Variants in GPHN observed in about 807,000 individuals in gnomAD.
GPHN encodes gephyrin.
In GPHN, 17 loss-of-function variants were observed where a neutral mutation model predicts 95.5. The ratio of observed to expected loss-of-function variants is 0.18; its 90% CI spans 0.12 to 0.27. The LOEUF (loss-of-function observed/expected upper bound fraction) is 0.27. Among genes scored for constraint, GPHN ranks in the 10% least tolerant of loss-of-function variants. GPHN has a pLI of 1.00. For synonymous variants in GPHN, 320 were observed against 322.5 expected (o/e 0.99, Z 0.08); for missense variants, 660 against 978.1 (o/e 0.67, Z 4.34).
the GPHN span, among the ~76,000 whole-genome samples, chr14:67,212,492 G>T: frequency 6.6e-6 from 1 of 150,996 alleles, no homozygotes; most frequent in African/African-American, 2.4e-5. Context: ...TAGGGAGGCT[G>T]AAGTGGAAGG....
chr14:67,278,964 C>T, the GPHN span: 6 of 442,168 alleles, frequency 1.4e-5, no homozygotes, highest in Non-Finnish European at 2.3e-5. Flanking sequence ...TCTGTAAAAA[C>T]CTGCTTTTAT....
At chr14:67,537,248 GCAGGAGAATT>G in the GPHN span, among the ~76,000 whole-genome samples, 1 of 146,314 alleles carries the variant, frequency 6.8e-6, no homozygotes, top group Admixed American at 6.9e-5. Flanking sequence ...GGAGGCTGAG[GCAGGAGAATT>G]ATTTGAACCC....
chr14:66,777,529 A>T (rs1310343559), intron 3 of GPHN, among the ~76,000 whole-genome samples: 4 of 152,150 alleles, frequency 2.6e-5, no homozygotes, highest in Non-Finnish European at 5.9e-5. Flanking sequence ...AAAAAAGAGA[A>T]TTTTAGACCA....
At chr14:67,286,929 C>T in the GPHN span, among the ~76,000 whole-genome samples, 12 of 146,274 alleles carry the variant, frequency 8.2e-5, no homozygotes, top group African/African-American at 3.0e-4. Context: ...AAAAATGTAC[C>T]CTTTATGGCT....
At chr14:67,084,390 C>A (rs72715348) in intron 11 of GPHN, among the ~76,000 whole-genome samples, 1 of 152,164 alleles carries the variant, frequency 6.6e-6, no homozygotes, top group African/African-American at 2.4e-5. Context: ...AAACGCCCCC[C>A]TCTCCTACCT....
intron 2 of GPHN, among the ~76,000 whole-genome samples, chr14:66,729,119 G>C (rs1412547890): frequency 6.6e-6 from 1 of 152,118 alleles, no homozygotes; most frequent in African/African-American, 2.4e-5. Flanking sequence ...TATAAAACAT[G>C]GCTTGCTCCT....
the GPHN span, chr14:67,579,748 G>A: frequency 6.2e-7 from 1 of 1,612,894 alleles, no homozygotes; most frequent in Non-Finnish European, 8.5e-7. Context: ...CTCTTCCACG[G>A]TTGATGAGTT....
At chr14:67,208,914 AG>A in the GPHN span, among the ~76,000 whole-genome samples, 3 of 151,714 alleles carry the variant, frequency 2.0e-5, no homozygotes, top group East Asian at 1.9e-4. Context: ...AAAAAAGAAA[AG>A]AAAAAAAAAA....
At chr14:66,837,286 C>A (rs2061871133) in intron 4 of GPHN, among the ~76,000 whole-genome samples, 3 of 151,546 alleles carry the variant, frequency 2.0e-5, no homozygotes. Context: ...GAGTTCATGT[C>A]CTTTGTAGGG....
In GPHN at chr14:66,918,186, G is replaced by A. The variant is rs151045821; in HGVS notation, c.456+2117G>A. Among the ~76,000 whole-genome samples, 407 of 152,298 alleles carry A rather than the reference G, an allele frequency of 2.7e-3. 2 individuals carry two copies. Among genetic ancestry groups the A allele is most frequent in the African/African-American group, 9.2e-3 (381 of 41,564 alleles). On this transcript the variant is annotated intron_variant, in intron 6 of 22. Transcript: ENST00000478722. ...AAAGTGCATAGGGCAGAGTCTAACA[G>A]AAGTAACAAATGAGGAACTTCTGTT...
chr14:67,586,080 CG>C, the GPHN span: 16 of 1,613,894 alleles, frequency 9.9e-6, no homozygotes. Flanking sequence ...GTTGATCTTC[CG>C]GATGGCTGCT....
chr14:67,494,045 AC>A, the GPHN span, among the ~76,000 whole-genome samples: 9 of 151,890 alleles, frequency 5.9e-5, no homozygotes, highest in African/African-American at 2.2e-4. Context: ...CTGGACACTG[AC>A]CCCAGCCACA....
At chr14:66,568,330 A>C (rs886809905) in intron 1 of GPHN, among the ~76,000 whole-genome samples, 2 of 152,162 alleles carry the variant, frequency 1.3e-5, no homozygotes, top group African/African-American at 4.8e-5. Context: ...AAAGCACATT[A>C]GTGTTCTTGG....
intron 4 of GPHN, among the ~76,000 whole-genome samples, chr14:66,847,030 C>G (rs990767139): frequency 3.9e-5 from 6 of 152,066 alleles, no homozygotes; most frequent in Admixed American, 3.3e-4. Flanking sequence ...TATTTGTGCT[C>G]CCTATACTGA....
chr14:67,406,537 A>C, the GPHN span, among the ~76,000 whole-genome samples: 2 of 152,144 alleles, frequency 1.3e-5, no homozygotes, highest in Admixed American at 6.5e-5. Flanking sequence ...ATGGGGACCA[A>C]GGTGGCAAGG....
the GPHN span, among the ~76,000 whole-genome samples, chr14:67,483,995 G>A: frequency 1.3e-5 from 2 of 152,168 alleles, no homozygotes; most frequent in African/African-American, 4.8e-5. Context: ...GCCCTGCACG[G>A]GGGACTGGCA....
chr14:66,752,320 A>G (rs2058397244), intron 2 of GPHN, among the ~76,000 whole-genome samples: 1 of 152,144 alleles, frequency 6.6e-6, no homozygotes, highest in Non-Finnish European at 1.5e-5. Context: ...GCTTTTTGCC[A>G]TAAGAGAAGG....
the GPHN span, chr14:67,340,670 T>C: frequency 1.4e-5 from 9 of 662,548 alleles, no homozygotes; most frequent in Non-Finnish European, 1.8e-5. Flanking sequence ...ACAAAGAAGC[T>C]CTTCCTCTCC....
At chr14:67,720,576 T>G in the GPHN span, among the ~76,000 whole-genome samples, 1 of 152,268 alleles carries the variant, frequency 6.6e-6, no homozygotes, top group Non-Finnish European at 1.5e-5. Context: ...TTAAATCATC[T>G]GTCCCTTCCA....
Sources: gnomAD v4.1 joint callset for allele counts (sites outside exome capture counted in the v4.1 genomes callset) on GRCh38, gnomAD v4.1.1 for gene constraint, MANE v1.5 for transcripts, NCBI Gene and HGNC (gene_info 2026-07-23, HGNC 2026-07-21) for gene names.